NAALADL2: variants seen among roughly 807,000 people sequenced by gnomAD.
NAALADL2 encodes inactive N-acetylated-alpha-linked acidic dipeptidase-like protein 2.
A neutral mutation model predicts 87.2 loss-of-function variants in NAALADL2; 76 were observed. That is an observed-to-expected ratio of 0.87 (90% CI 0.72 to 1.05). The LOEUF (loss-of-function observed/expected upper bound fraction) is 1.05. Ranked by LOEUF, NAALADL2 falls within the 50% of genes least tolerant of loss-of-function variation. The pLI, the probability that NAALADL2 is intolerant of heterozygous loss-of-function variation, is 0.00. For synonymous variants in NAALADL2, 354 were observed against 331.0 expected (o/e 1.07, Z -0.75); for missense variants, 1,089 against 945.8 (o/e 1.15, Z -1.99).
At chr3:175,648,974 A>G (rs2149782874) in intron 11 of NAALADL2, among the ~76,000 whole-genome samples, 1 of 152,320 alleles carries the variant, frequency 6.6e-6, no homozygotes, top group East Asian at 1.9e-4. Context: ...GCTGGTGAAT[A>G]TATCTGTCCT....
chr3:175,081,737 G>A (rs1276999281), intron 1 of NAALADL2, among the ~76,000 whole-genome samples: 1 of 152,038 alleles, frequency 6.6e-6, no homozygotes, highest in Non-Finnish European at 1.5e-5. Context: ...ATTTCTTAAC[G>A]ATAGACCCCA....
At chr3:174,827,390 G>T (rs1722117194) in intron 3 of NAALADL2, among the ~76,000 whole-genome samples, 2 of 152,292 alleles carry the variant, frequency 1.3e-5, no homozygotes, top group African/African-American at 4.8e-5. Context: ...GCATGGAGGG[G>T]AGAGTATTTT....
At chr3:175,189,463 GA>G (rs1414940843) in intron 2 of NAALADL2, among the ~76,000 whole-genome samples, 1 of 151,958 alleles carries the variant, frequency 6.6e-6, no homozygotes, top group Non-Finnish European at 1.5e-5. Flanking sequence ...TGAAATCAAG[GA>G]AAAATTCTAT....
chr3:175,778,914 T>C (rs1381092567), intron 13 of NAALADL2, among the ~76,000 whole-genome samples: 1 of 151,840 alleles, frequency 6.6e-6, no homozygotes, highest in Admixed American at 6.6e-5. Flanking sequence ...GAGAAAAGCA[T>C]ATGAGTTTTA....
chr3:175,712,689 G>A (rs1740695008), intron 11 of NAALADL2, among the ~76,000 whole-genome samples: 1 of 151,978 alleles, frequency 6.6e-6, no homozygotes, highest in African/African-American at 2.4e-5. Flanking sequence ...CTGTCTGTGG[G>A]GAACAGGAAC....
intron 11 of NAALADL2, among the ~76,000 whole-genome samples, chr3:175,639,508 T>G (rs562477545): frequency 1.9e-3 from 281 of 151,740 alleles, no homozygotes; most frequent in African/African-American, 6.2e-3. Flanking sequence ...TTTTAGTAGA[T>G]ACGGGGTTTC....
intron 2 of NAALADL2, among the ~76,000 whole-genome samples, chr3:174,607,386 G>A (rs1327391026): frequency 2.0e-5 from 3 of 151,578 alleles, no homozygotes; most frequent in African/African-American, 7.3e-5. Flanking sequence ...TGGATAAAGA[G>A]TCAAGACCCA....
chr3:174,829,437 A>T (rs1252249528), intron 3 of NAALADL2, among the ~76,000 whole-genome samples: 17 of 145,460 alleles, frequency 1.2e-4, no homozygotes, highest in African/African-American at 4.2e-4. Context: ...CCTACAAAGG[A>T]CATGAACTCA....
intron 6 of NAALADL2, among the ~76,000 whole-genome samples, chr3:175,453,561 C>T (rs780639057): frequency 5.3e-5 from 8 of 152,088 alleles, no homozygotes; most frequent in Non-Finnish European, 1.2e-4. Flanking sequence ...GCATTTGGCA[C>T]TTGTGTGCTA....
At chr3:175,163,564 G>T (rs988759757) in intron 2 of NAALADL2, among the ~76,000 whole-genome samples, 2 of 152,062 alleles carry the variant, frequency 1.3e-5, no homozygotes, top group African/African-American at 2.4e-5. Flanking sequence ...CCTATGGAGA[G>T]TGTTGAGAGT....
At chr3:175,788,924 TCTAAATTATCTCTTTC>T (rs1201963968) in intron 13 of NAALADL2, among the ~76,000 whole-genome samples, 5 of 152,220 alleles carry the variant, frequency 3.3e-5, no homozygotes, top group African/African-American at 9.6e-5. Flanking sequence ...CTCCAACATC[TCTAAATTATCTCTTTC>T]TGAGGAAGGG....
intron 5 of NAALADL2, among the ~76,000 whole-genome samples, chr3:175,326,937 T>C (rs1221182208): frequency 6.6e-6 from 1 of 152,160 alleles, no homozygotes; most frequent in Non-Finnish European, 1.5e-5. Flanking sequence ...GAAATGATTA[T>C]TAGAGGGACT....
chr3:175,133,181 G>A (rs1192231248), intron 2 of NAALADL2, among the ~76,000 whole-genome samples: 1 of 150,844 alleles, frequency 6.6e-6, no homozygotes. Flanking sequence ...GGGAAGAGGC[G>A]CTCCTCACTT....
At chr3:175,724,085 A>T (rs1742602425) in intron 11 of NAALADL2, among the ~76,000 whole-genome samples, 1 of 152,144 alleles carries the variant, frequency 6.6e-6, no homozygotes, top group African/African-American at 2.4e-5. Context: ...CATTTAACTG[A>T]GGACTGTTGA....
intron 2 of NAALADL2, among the ~76,000 whole-genome samples, chr3:174,652,202 G>A (rs959837154): frequency 6.6e-6 from 1 of 152,178 alleles, no homozygotes; most frequent in South Asian, 2.1e-4. Flanking sequence ...TCTGAATAAA[G>A]TGATAGATTT....
At chr3:175,062,709 A>G (rs1713768163) in intron 1 of NAALADL2, among the ~76,000 whole-genome samples, 1 of 152,122 alleles carries the variant, frequency 6.6e-6, no homozygotes, top group Non-Finnish European at 1.5e-5. Flanking sequence ...ATCTTAACCA[A>G]TCACTTAGCA....
At chr3:175,577,111 A>G (rs148490981) in intron 10 of NAALADL2, among the ~76,000 whole-genome samples, 1,808 of 152,306 alleles carry the variant, frequency 0.012, 32 homozygotes, top group African/African-American at 0.038. Flanking sequence ...ATCTTGGTTT[A>G]GTTTTAAGCC....
chr3:175,018,821 C>T (rs1287092071), intron 1 of NAALADL2, among the ~76,000 whole-genome samples: 2 of 151,988 alleles, frequency 1.3e-5, no homozygotes, highest in East Asian at 3.9e-4. Flanking sequence ...AATAACGTAA[C>T]CGGTGTTTTC....
chr3:175,238,946 T>G (rs1484633024), intron 3 of NAALADL2, among the ~76,000 whole-genome samples: 1 of 152,220 alleles, frequency 6.6e-6, no homozygotes, highest in African/African-American at 2.4e-5. Context: ...CAAGGTTATT[T>G]GCAGAAGAGG....
Sources: allele counts gnomAD v4.1 joint callset (sites outside exome capture counted in the v4.1 genomes callset), GRCh38; gene constraint gnomAD v4.1.1; transcripts MANE v1.5; gene names NCBI Gene and HGNC (gene_info 2026-07-23, HGNC 2026-07-21).